PTPRT: variants seen among roughly 807,000 people sequenced by gnomAD.
PTPRT encodes protein tyrosine phosphatase receptor type T.
In PTPRT, 56 loss-of-function variants were observed where a neutral mutation model predicts 176.8. The observed-to-expected ratio is 0.32, with a 90% CI of 0.26 to 0.40. The LOEUF is 0.40. PTPRT is among the 10% of genes least tolerant of loss of function. PTPRT has a pLI of 1.00. For synonymous variants in PTPRT, 783 were observed against 739.0 expected (o/e 1.06, Z -0.96); for missense variants, 1,540 against 1,908.2 (o/e 0.81, Z 3.60).
At chr20:42,526,033 T>C (rs2145516684) in intron 7 of PTPRT, among the ~76,000 whole-genome samples, 1 of 152,254 alleles carries the variant, frequency 6.6e-6, no homozygotes, top group South Asian at 2.1e-4. Context: ...TTTAATTTTG[T>C]AGGCCATTGA....
chr20:43,170,164 C>T (rs1018500489), intron 1 of PTPRT, among the ~76,000 whole-genome samples: 3 of 148,826 alleles, frequency 2.0e-5, no homozygotes, highest in Non-Finnish European at 3.0e-5. Context: ...TATATATACT[C>T]GATATATATA....
In PTPRT at chr20:42,613,649, T is replaced by G. The variant is rs74610906; in HGVS notation, c.1153+64217A>C. Among the ~76,000 whole-genome samples, 79 of 152,288 alleles carry G rather than the reference T, an allele frequency of 5.2e-4. No homozygotes were observed. The East Asian group carries it at 8.5e-3, about 16-fold the overall frequency. ...AGACCTGGAGGCTAAGATTACCCTT[T>G]ACAGGGAAATCCTGAATAGGGTTGA... is the stretch of plus-strand genomic sequence containing the variant. On this transcript the variant is annotated intron_variant, in intron 7 of 30. Transcript: ENST00000373187.
chr20:42,893,187 C>A (rs548332041), intron 1 of PTPRT, among the ~76,000 whole-genome samples: 3,467 of 152,252 alleles, frequency 0.023, 74 homozygotes, highest in African/African-American at 0.057. Context: ...AACCCCATCA[C>A]AAAGTGGCCA....
chr20:43,114,932 A>C (rs1393248345), intron 1 of PTPRT, among the ~76,000 whole-genome samples: 1 of 152,204 alleles, frequency 6.6e-6, no homozygotes, highest in Non-Finnish European at 1.5e-5. Flanking sequence ...ATTTTACCAA[A>C]AAAAGAGCTG....
At chr20:42,972,585 C>T (rs1030235484) in intron 1 of PTPRT, among the ~76,000 whole-genome samples, 2 of 151,276 alleles carry the variant, frequency 1.3e-5, no homozygotes, top group Non-Finnish European at 2.9e-5. Context: ...ATCACTTGAA[C>T]CCAGCAGGCG....
intron 18 of PTPRT, among the ~76,000 whole-genome samples, chr20:42,133,238 G>A (rs1022109580): frequency 3.3e-5 from 5 of 152,104 alleles, no homozygotes; most frequent in Non-Finnish European, 5.9e-5. Context: ...GTCAGGTTAG[G>A]TATATTAAAT....
Position 42,074,905 on chromosome 20 carries a change from C to A in PTPRT, c.*5974G>T, listed in dbSNP as rs1600446175. The A allele has an allele frequency of 3.3e-5, 13 of 398,506 alleles. No homozygotes were observed. The East Asian group carries it at 4.6e-4, about 14-fold the overall frequency. The allele number at this position is 398,506 out of a possible 1,614,324, so 24.7% of individuals were successfully genotyped here. ...AAAACTAGAAGAGTCTGCTCATGTGCACAAATATGGCTTAGATATCTCTGC... is the reference window on the plus strand; with the variant it reads ...AAAACTAGAAGAGTCTGCTCATGTGAACAAATATGGCTTAGATATCTCTGC... On this transcript the variant is annotated 3_prime_UTR_variant, in exon 31 of 31. Transcript: ENST00000373187.
chr20:42,870,297 G>T (rs1159181331), intron 2 of PTPRT, among the ~76,000 whole-genome samples: 1 of 152,126 alleles, frequency 6.6e-6, no homozygotes, highest in East Asian at 1.9e-4. Context: ...ATAACATAAG[G>T]TCTTCAAGGT....
At chr20:42,251,953 G>C (rs943048130) in intron 13 of PTPRT, among the ~76,000 whole-genome samples, 3 of 152,196 alleles carry the variant, frequency 2.0e-5, no homozygotes, top group Non-Finnish European at 4.4e-5. Flanking sequence ...CTTTAGTGTG[G>C]AACCAAAGTG....
At chr20:42,910,213 T>G (rs1442146677) in intron 1 of PTPRT, among the ~76,000 whole-genome samples, 1 of 152,158 alleles carries the variant, frequency 6.6e-6, no homozygotes, top group Non-Finnish European at 1.5e-5. Context: ...TGATTCGGAT[T>G]CACAAGAATC....
At chr20:42,783,377 A>AC (rs56694231) in intron 3 of PTPRT, among the ~76,000 whole-genome samples, 73 of 23,250 alleles carry the variant, frequency 3.1e-3, no homozygotes, top group African/African-American at 6.4e-3. Flanking sequence ...AGAATCAACA[A>AC]AAAAAAAAAC....
At chr20:42,819,778 T>A (rs946769211) in intron 2 of PTPRT, among the ~76,000 whole-genome samples, 1 of 151,780 alleles carries the variant, frequency 6.6e-6, no homozygotes, top group East Asian at 1.9e-4. Flanking sequence ...GCAATCCTAA[T>A]CTCTGATAAA....
At chr20:43,090,470 G>A (rs545234259) in intron 1 of PTPRT, among the ~76,000 whole-genome samples, 2,461 of 152,062 alleles carry the variant, frequency 0.016, 29 homozygotes, top group South Asian at 0.025. Flanking sequence ...GGGTTTCACC[G>A]TTTTAGCCAG....
intron 6 of PTPRT, among the ~76,000 whole-genome samples, chr20:42,726,347 G>A (rs186261441): frequency 1.3e-5 from 2 of 152,286 alleles, no homozygotes; most frequent in East Asian, 1.9e-4. Context: ...CCAAAGTGCT[G>A]GGATTACAGG....
At chr20:43,104,995 G>A (rs2012538120) in intron 1 of PTPRT, among the ~76,000 whole-genome samples, 1 of 152,190 alleles carries the variant, frequency 6.6e-6, no homozygotes, top group Admixed American at 6.5e-5. Context: ...AAATATCAAA[G>A]GGACCCCTAG....
intron 13 of PTPRT, among the ~76,000 whole-genome samples, chr20:42,282,011 C>T (rs955954666): frequency 1.2e-4 from 19 of 152,110 alleles, no homozygotes; most frequent in South Asian, 4.1e-4. Context: ...ATGCCAACCA[C>T]GTAATAATGC....
At chr20:43,048,723 A>G (rs948594097) in intron 1 of PTPRT, among the ~76,000 whole-genome samples, 4 of 152,136 alleles carry the variant, frequency 2.6e-5, no homozygotes, top group African/African-American at 9.7e-5. Context: ...TTTTCTGGCG[A>G]TAGTGAATTT....
intron 13 of PTPRT, chr20:42,270,331 G>T: frequency 7.0e-7 from 1 of 1,431,934 alleles, no homozygotes; most frequent in Non-Finnish European, 9.6e-7. Context: ...TGGTGCACCT[G>T]GCCTGGAGGA....
intron 1 of PTPRT, among the ~76,000 whole-genome samples, chr20:43,030,263 G>T (rs1986086970): frequency 6.6e-6 from 1 of 152,202 alleles, no homozygotes; most frequent in South Asian, 2.1e-4. Context: ...ATACATTGTG[G>T]CAAGTTTTAC....
Sources: gnomAD v4.1 joint callset for allele counts (sites outside exome capture counted in the v4.1 genomes callset) on GRCh38, gnomAD v4.1.1 for gene constraint, MANE v1.5 for transcripts, NCBI Gene and HGNC (gene_info 2026-07-23, HGNC 2026-07-21) for gene names.